The following GON4L variants were observed in gnomAD, a reference collection of about 807,000 sequenced individuals.
The protein encoded by GON4L is GON-4-like protein.
A neutral mutation model predicts 211.8 loss-of-function variants in GON4L; 87 were observed. The observed-to-expected ratio is 0.41, with a 90% CI of 0.35 to 0.49. GON4L has a LOEUF of 0.49. Ranked by LOEUF, GON4L falls within the 20% of genes least tolerant of loss-of-function variation. The probability of loss-of-function intolerance (pLI) is 0.15; values close to 1 mark genes in which losing one functional copy is unlikely to be tolerated. For synonymous variants in GON4L, 875 were observed against 962.6 expected (o/e 0.91, Z 1.68); for missense variants, 2,155 against 2,659.5 (o/e 0.81, Z 4.17).
At chr1:155,848,692 T>C (rs1431164316) in intron 2 of GON4L, among the ~76,000 whole-genome samples, 1 of 152,338 alleles carries the variant, frequency 6.6e-6, no homozygotes, top group East Asian at 1.9e-4. Flanking sequence ...GTTAGAACTA[T>C]GTCTTCTGCT....
chr1:155,799,108 C>G (rs1666380703), intron 11 of GON4L, among the ~76,000 whole-genome samples: 1 of 152,156 alleles, frequency 6.6e-6, no homozygotes, highest in Non-Finnish European at 1.5e-5. Flanking sequence ...TTTGTGTGCT[C>G]TTTTAAAAAT....
At chr1:155,824,434 CA>C (rs769823401) in intron 3 of GON4L, among the ~76,000 whole-genome samples, 95 of 7,438 alleles carry the variant, frequency 0.013, no homozygotes, top group East Asian at 0.06. Context: ...AACTCCACAT[CA>C]AAAAAAAAAA....
At chr1:155,823,909 T>G (rs1335334161) in intron 3 of GON4L, among the ~76,000 whole-genome samples, 2 of 151,832 alleles carry the variant, frequency 1.3e-5, no homozygotes, top group African/African-American at 4.8e-5. Flanking sequence ...AAAAAAACCA[T>G]TTGCTAAATC....
intron 28 of GON4L, among the ~76,000 whole-genome samples, 173 bp from the exon 29 acceptor site, chr1:155,753,587 C>G (rs1480185276): frequency 6.6e-6 from 1 of 152,142 alleles, no homozygotes; most frequent in African/African-American, 2.4e-5. Flanking sequence ...TGCCTATAAA[C>G]CTAGTTACTT....
intron 22 of GON4L, 126 bp from the exon 23 acceptor site, chr1:155,762,500 TG>T: frequency 1.3e-6 from 1 of 767,910 alleles, no homozygotes; most frequent in Non-Finnish European, 2.0e-6. Context: ...AAAAGGTTTT[TG>T]GGAAAATGGT....
downstream of GON4L, chr1:155,745,783 G>C (rs775105083): frequency 1.4e-6 from 1 of 717,434 alleles, no homozygotes; most frequent in Non-Finnish European, 2.3e-6. Flanking sequence ...GCTAGGAGCA[G>C]CGAGCGGCGC....
At chr1:155,849,773 C>CAAAAAAAAAAAAAAAAAAAA (rs11330008) in intron 2 of GON4L, among the ~76,000 whole-genome samples, 1 of 77,354 alleles carries the variant, frequency 1.3e-5, no homozygotes, top group Non-Finnish European at 2.5e-5. Context: ...GACTCCGTCT[C>CAAAAAAAAAAAAAAAAAAAA]AAAAAAAAAA....
At chr1:155,748,372 A>C (rs1292708421), downstream of GON4L, 1 of 1,591,650 alleles carries the variant, frequency 6.3e-7, no homozygotes, top group Non-Finnish European at 8.6e-7. Context: ...GCCCGAGGCC[A>C]AGTGCCCCTC....
intron 18 of GON4L, among the ~76,000 whole-genome samples, chr1:155,772,696 G>T (rs1280764509): frequency 6.6e-6 from 1 of 151,986 alleles, no homozygotes; most frequent in Non-Finnish European, 1.5e-5. Context: ...GGAGTTCAAG[G>T]CTGCAGTGAG....
At chr1:155,814,591 C>CA in intron 8 of GON4L, 142 bp from the exon 9 acceptor site, 1 of 868,914 alleles carries the variant, frequency 1.2e-6, no homozygotes, top group Non-Finnish European at 1.9e-6. Flanking sequence ...GCTAAAAATA[C>CA]AAAAATAAGC....
At chr1:155,820,851 G>GC (rs1668668130) in intron 5 of GON4L, among the ~76,000 whole-genome samples, 195 bp from the exon 6 acceptor site, 1 of 152,144 alleles carries the variant, frequency 6.6e-6, no homozygotes, top group Admixed American at 6.6e-5. Flanking sequence ...GGGCATAGTC[G>GC]CATGTTCCTG....
intron 12 of GON4L, among the ~76,000 whole-genome samples, chr1:155,786,745 T>C (rs954972494): frequency 6.6e-6 from 1 of 152,050 alleles, no homozygotes; most frequent in Non-Finnish European, 1.5e-5. Flanking sequence ...ATGCAACATA[T>C]ACGGATAAAT....
At chr1:155,761,573 GC>G (rs2101695269) in intron 23 of GON4L, among the ~76,000 whole-genome samples, 1 of 149,822 alleles carries the variant, frequency 6.7e-6, no homozygotes, top group East Asian at 1.9e-4. Flanking sequence ...TCGGCTCACT[GC>G]AAACTCCGTC....
chr1:155,819,531 C>T (rs1045651090), intron 6 of GON4L, among the ~76,000 whole-genome samples: 3 of 151,978 alleles, frequency 2.0e-5, no homozygotes, highest in Non-Finnish European at 4.4e-5. Flanking sequence ...GCTGGGATTA[C>T]AGGCATGAGC....
At chr1:155,790,678 G>A (rs1305580066) in intron 12 of GON4L, among the ~76,000 whole-genome samples, 1 of 151,868 alleles carries the variant, frequency 6.6e-6, no homozygotes, top group Non-Finnish European at 1.5e-5. Context: ...GGGCACAGTG[G>A]CTCACGCCTG....
chr1:155,745,146 G>C (rs1018887236), downstream of GON4L, among the ~76,000 whole-genome samples: 2 of 152,254 alleles, frequency 1.3e-5, no homozygotes, highest in South Asian at 4.1e-4. Flanking sequence ...CTTTAGAATA[G>C]ATCAGTGGTG....
chr1:155,853,396 T>C lies in GON4L; in HGVS notation c.385A>G (p.Lys129Glu). 1 of 1,614,186 alleles carries C rather than the reference T, an allele frequency of 6.2e-7. No homozygotes were observed. Among genetic ancestry groups the C allele is most frequent in the Non-Finnish European group, 8.5e-7 (1 of 1,180,022 alleles). The change falls in exon 2 of 32, where the codon AAG (lysine) becomes GAG (glutamate). Residue 129 changes from lysine (K) to glutamate (E), a missense_variant. Physicochemically the swap from Lys to Glu is moderately conservative, Grantham distance 56. This residue lies in a region of GON4L where 313 missense variants were observed against 293.2 expected (regional missense o/e 1.07). Coordinates refer to ENST00000368331, the MANE Select transcript of GON4L (RefSeq NM_001282860.2). ...CTGAGTGTCATTTTTTTCCCTCTCT[T>C]TGAGCCAGTAGCGTGGAGTTTTCCT... is the stretch of plus-strand genomic sequence containing the variant. ...GKGKLHATGS[K>E]RGKKMTLRPG...
intron 11 of GON4L, among the ~76,000 whole-genome samples, chr1:155,803,277 G>A (rs1257033142): frequency 2.1e-5 from 3 of 140,350 alleles, no homozygotes; most frequent in African/African-American, 8.0e-5. Flanking sequence ...ATGGAGTCTC[G>A]CTCTGTTGCC....
intron 10 of GON4L, among the ~76,000 whole-genome samples, chr1:155,808,285 C>T (rs1446596185): frequency 6.6e-6 from 1 of 152,070 alleles, no homozygotes; most frequent in Non-Finnish European, 1.5e-5. Context: ...GTGATCCACC[C>T]GCCTCGGCCT....
Sources: gnomAD v4.1 joint callset for allele counts (sites outside exome capture counted in the v4.1 genomes callset) on GRCh38, gnomAD v4.1.1 for gene constraint, gnomAD v4.1.1 regional missense constraint, MANE v1.5 for transcripts, NCBI Gene and HGNC (gene_info 2026-07-23, HGNC 2026-07-21) for gene names.